TLR2: variants seen among roughly 807,000 people sequenced by gnomAD.
TLR2 encodes the protein toll-like receptor 2.
In TLR2, 7 loss-of-function variants were observed where a neutral mutation model predicts 9.1. The ratio of observed to expected loss-of-function variants is 0.77; its 90% CI spans 0.44 to 1.44. The LOEUF is 1.44. Among genes scored for constraint, TLR2 ranks in the 40% most tolerant of loss-of-function variants. TLR2 has a pLI of 0.01. For missense variants in TLR2, 812 were observed against 904.6 expected (o/e 0.90, Z 1.31); for synonymous variants, 317 against 344.6 (o/e 0.92, Z 0.89).
rs936583510 is a variant in TLR2 at position 153,702,764 on chromosome 4, G to T, written c.-16-128G>T. Reference sequence around the variant, plus strand: ...TCTGTTTCTCTCTCTCTCTCTCTTTGTGTGTGTGTGTGTGTGTGTGTGTGT... The same window carrying T: ...TCTGTTTCTCTCTCTCTCTCTCTTTTTGTGTGTGTGTGTGTGTGTGTGTGT... On this transcript the variant is annotated intron_variant, in intron 2 of 2. Coordinates refer to ENST00000642700, the MANE Select transcript of TLR2 (RefSeq NM_001318789.2). 9.3e-5 allele frequency: 4 copies of T among 43,090 alleles called. No homozygotes were observed. The highest frequency in any genetic ancestry group is 2.6e-4 in the East Asian group (1 of 3,850). The allele number at this position is 43,090 out of a possible 1,614,324, so 2.7% of individuals were successfully genotyped here.
downstream of TLR2, chr4:153,710,609 A>G (rs1011252964): frequency 7.3e-6 from 7 of 963,284 alleles, no homozygotes; most frequent in African/African-American, 1.6e-5. Flanking sequence ...TGTTAATTCT[A>G]TGTGCTCAAT....
At chr4:153,695,075 G>A (rs1736396940) in intron 2 of TLR2, among the ~76,000 whole-genome samples, 1 of 152,116 alleles carries the variant, frequency 6.6e-6, no homozygotes, top group African/African-American at 2.4e-5. Flanking sequence ...TTCATGTGTA[G>A]GTGGACACTT....
chr4:153,704,613 A>G lies in TLR2; in HGVS notation c.1706A>G (p.His569Arg), dbSNP rs1301357276. 2 of 1,611,082 alleles carry G rather than the reference A, an allele frequency of 1.2e-6. No homozygotes were observed. The highest frequency in any genetic ancestry group is 1.1e-5 in the South Asian group (1 of 90,976). ...AATTACCTGTGTGACTCTCCATCCC[A>G]TGTGCGTGGCCAGCAGGTTCAGGAT... The part of the protein sequence containing the change: ...PANYLCDSPS[H>R]VRGQQVQDVR... Residue 569 changes from histidine to arginine, a missense_variant, in exon 3 of 3, where the codon CAT becomes CGT. By Grantham distance (29) the His-to-Arg change is conservative (BLOSUM62 0). Coordinates refer to ENST00000642700, the MANE Select transcript of TLR2 (RefSeq NM_001318789.2).
downstream of TLR2, chr4:153,710,095 T>C (rs6535944): frequency 0.98 from 243,089 of 248,604 alleles, 119,017 homozygotes; most frequent in East Asian, 1. Context: ...TCAGTCAAAC[T>C]GGAAGTAGAA....
rs185791183 is a variant in TLR2 at position 153,691,866 on chromosome 4, A to C, written c.-17+3819A>C. ...AGTAGGAGTAAGGAGTAGTAGTCTG[A>C]ATTTTGTCAGGAGCTATATAATTAA... On this transcript the variant is annotated intron_variant, in intron 2 of 2. Coordinates refer to ENST00000642700, the MANE Select transcript of TLR2 (RefSeq NM_001318789.2). Among the ~76,000 whole-genome samples the C allele has an allele frequency of 1.1e-3, 166 of 152,294 alleles. 1 individual carries two copies. The highest frequency in any genetic ancestry group is 1.9e-3 in the Non-Finnish European group (126 of 68,018).
At chr4:153,710,166 G>C (rs1254075781), downstream of TLR2, 5 of 457,712 alleles carry the variant, frequency 1.1e-5, no homozygotes, top group Non-Finnish European at 1.9e-5. Flanking sequence ...GCTGTAATGG[G>C]AAAGATGAAA....
chr4:153,687,295 G>T (rs1403922489), intron 1 of TLR2, among the ~76,000 whole-genome samples: 1 of 152,082 alleles, frequency 6.6e-6, no homozygotes, highest in African/African-American at 2.4e-5. Context: ...TAAATCCAGA[G>T]AAATCAGAAC....
At chr4:153,700,034 G>C (rs1736775876) in intron 2 of TLR2, among the ~76,000 whole-genome samples, 1 of 152,138 alleles carries the variant, frequency 6.6e-6, no homozygotes, top group Admixed American at 6.5e-5. Context: ...CTTTACTCAT[G>C]GTGGAAGAAG....
At position 153,703,871 on chromosome 4, in the gene TLR2, T is replaced by C; in HGVS notation, c.964T>C (p.Phe322Leu). ...LTIRRLHIPR[F>L]YLFYDLSTLY... is the part of the protein sequence containing the mutation. ...AATCCGGAGGCTGCATATTCCAAGG[T>C]TTTACTTATTTTATGATCTGAGCAC... Residue 322 changes from phenylalanine to leucine, a missense_variant, in exon 3 of 3, where the codon TTT becomes CTT. Transcript: ENST00000642700. 6.2e-7 allele frequency: 1 copy of C among 1,614,064 alleles called. No individual in the cohort carries two copies. Among genetic ancestry groups the C allele is most frequent in the Non-Finnish European group, 8.5e-7 (1 of 1,180,008 alleles).
downstream of TLR2, among the ~76,000 whole-genome samples, chr4:153,707,494 G>A (rs1737371882): frequency 6.6e-6 from 1 of 151,318 alleles, no homozygotes; most frequent in African/African-American, 2.4e-5. Flanking sequence ...AGGCTGCAGT[G>A]AGCTGTGATT....
intron 2 of TLR2, among the ~76,000 whole-genome samples, chr4:153,690,106 TC>T (rs1184506787): frequency 2.0e-5 from 3 of 152,256 alleles, no homozygotes; most frequent in African/African-American, 7.2e-5. Context: ...TTTACCTATT[TC>T]CCAACTTTTT....
chr4:153,687,640 A>G (rs1371149939), intron 1 of TLR2, among the ~76,000 whole-genome samples: 1 of 152,124 alleles, frequency 6.6e-6, no homozygotes, highest in Non-Finnish European at 1.5e-5. Context: ...CAAATCATAA[A>G]TAGCCAAGCT....
Position 153,698,121 on chromosome 4 carries a change from G to C in TLR2, c.-16-4771G>C, listed in dbSNP as rs145497252. The stretch of plus-strand genomic sequence containing the variant: ...AAAATCGTAAAGTGTTCTTTTAAAA[G>C]ATTCGTGGAAAGGACTCTGATAAGT... On this transcript the variant is annotated intron_variant, in intron 2 of 2. Transcript: ENST00000642700. 7.0e-3 allele frequency among the ~76,000 whole-genome samples: 1,065 copies of C among 152,220 alleles called. 17 individuals are homozygous for C. The highest frequency in any genetic ancestry group is 0.024 in the African/African-American group (994 of 41,556).
At chr4:153,702,743 T>C (rs1253774850) in intron 2 of TLR2, 149 bp from the exon 3 acceptor site, 2 of 692,846 alleles carry the variant, frequency 2.9e-6, no homozygotes, top group Non-Finnish European at 4.6e-6. Context: ...CATTCATCTG[T>C]TTCTCTCTCT....
At chr4:153,706,686 G>T (rs1379191972), downstream of TLR2, among the ~76,000 whole-genome samples, 1 of 152,196 alleles carries the variant, frequency 6.6e-6, no homozygotes, top group Admixed American at 6.5e-5. Context: ...CATGTGAAAG[G>T]AAGTGAGCCT....
intron 1 of TLR2, among the ~76,000 whole-genome samples, chr4:153,685,425 T>A (rs2127004704): frequency 6.6e-6 from 1 of 152,314 alleles, no homozygotes; most frequent in East Asian, 1.9e-4. Flanking sequence ...CTGAGATGAC[T>A]TTAATCTTTT....
At chr4:153,697,989 A>G (rs995234535) in intron 2 of TLR2, among the ~76,000 whole-genome samples, 2 of 152,206 alleles carry the variant, frequency 1.3e-5, no homozygotes, top group Non-Finnish European at 2.9e-5. Context: ...GTCCATTTTA[A>G]GCTTTGTCAT....
chr4:153,693,277 T>A (rs1304510722), intron 2 of TLR2, among the ~76,000 whole-genome samples: 1 of 152,256 alleles, frequency 6.6e-6, no homozygotes, highest in Non-Finnish European at 1.5e-5. Context: ...GACAGCAACC[T>A]TCTTTAACAG....
At chr4:153,686,344 T>C (rs1310395885) in intron 1 of TLR2, among the ~76,000 whole-genome samples, 1 of 152,196 alleles carries the variant, frequency 6.6e-6, no homozygotes, top group East Asian at 1.9e-4. Context: ...TCAATTACTT[T>C]AAAGCCCAAA....
Sources: allele counts gnomAD v4.1 joint callset (sites outside exome capture counted in the v4.1 genomes callset), GRCh38; gene constraint gnomAD v4.1.1; transcripts MANE v1.5; gene names NCBI Gene and HGNC (gene_info 2026-07-23, HGNC 2026-07-21).